VGLL3: variants seen among roughly 807,000 people sequenced by gnomAD.
VGLL3 encodes the protein vestigial like family member 3, also known as transcription cofactor vestigial-like protein 3.
Under a neutral mutation model 29.2 loss-of-function variants are expected in VGLL3, and 18 were observed. The ratio of observed to expected loss-of-function variants is 0.62; its 90% CI spans 0.43 to 0.91. The LOEUF (loss-of-function observed/expected upper bound fraction) is 0.91. VGLL3 is among the 40% of genes least tolerant of loss of function. VGLL3 has a pLI of 0.00. For synonymous variants in VGLL3, 180 were observed against 151.8 expected, an observed-to-expected ratio of 1.19 and a Z score of -1.36; for missense variants, 440 against 413.2, an observed-to-expected ratio of 1.06 and a Z score of -0.56.
rs559777486 is a variant in VGLL3, at chr3:86,978,706, T to TCTC, written c.220_222dup (p.Glu74dup). ...TACTCCATCTCGGCAGGCTGGTCTT[T>TCTC]CTCCTCCTCCTCCTCCTCCTCATCC... On this transcript the variant is annotated inframe_insertion, in exon 2 of 4. Transcript: ENST00000398399. The TCTC allele has an allele frequency of 8.5e-4, 1,374 of 1,612,196 alleles. 3 individuals are homozygous for TCTC. In the South Asian group the frequency reaches 0.01, roughly 12 times the overall value.
chr3:86,990,783 G>A lies in VGLL3; in HGVS notation c.-40C>T. 1 of 1,269,044 alleles carries A rather than the reference G, an allele frequency of 7.9e-7. No homozygotes were observed. Among genetic ancestry groups the A allele is most frequent in the Non-Finnish European group, 1.0e-6 (1 of 1,003,106 alleles). The allele number at this position is 1,269,044 out of a possible 1,614,324, so 78.6% of individuals were successfully genotyped here. On this transcript the variant is annotated 5_prime_UTR_variant, in exon 1 of 4. Coordinates refer to ENST00000398399, the MANE Select transcript of VGLL3 (RefSeq NM_016206.4). ...TGGCGGCCCCCGAGCTGCCGCCGCC[G>A]CTCTACGCGCTGGCGCGAGGGGCGC...
chr3:86,971,928 G>A (rs1014757378), intron 2 of VGLL3, among the ~76,000 whole-genome samples: 1 of 151,994 alleles, frequency 6.6e-6, no homozygotes, highest in African/African-American at 2.4e-5. Flanking sequence ...TCCATCTCCC[G>A]AGGGGCTAGA....
intron 1 of VGLL3, among the ~76,000 whole-genome samples, chr3:86,980,720 G>C (rs996175090): frequency 6.6e-5 from 10 of 151,788 alleles, no homozygotes; most frequent in Admixed American, 2.0e-4. Flanking sequence ...TGATTTATTA[G>C]TCAAATCACA....
chr3:86,951,128 A>G (rs1704609396), intron 3 of VGLL3, among the ~76,000 whole-genome samples: 2 of 152,158 alleles, frequency 1.3e-5, no homozygotes, highest in South Asian at 4.1e-4. Flanking sequence ...CAGAAAAACA[A>G]CAGCAACAAA....
At chr3:86,962,392 A>T (rs1367069059) in intron 3 of VGLL3, 37 of 985,284 alleles carry the variant, frequency 3.8e-5, no homozygotes, top group Non-Finnish European at 3.9e-5. Flanking sequence ...GATCCTTTTA[A>T]ATTTTGTGCC....
intron 3 of VGLL3, among the ~76,000 whole-genome samples, chr3:86,948,325 A>T (rs939958226): frequency 6.6e-6 from 1 of 152,188 alleles, no homozygotes; most frequent in South Asian, 2.1e-4. Flanking sequence ...GGATGTCAGA[A>T]ATTTAATAGC....
intron 3 of VGLL3, among the ~76,000 whole-genome samples, chr3:86,947,936 A>G (rs1704539024): frequency 6.6e-6 from 1 of 152,072 alleles, no homozygotes; most frequent in Non-Finnish European, 1.5e-5. Flanking sequence ...ACGTACTCGA[A>G]GTTACTTTTA....
intron 1 of VGLL3, among the ~76,000 whole-genome samples, chr3:86,984,368 A>C (rs1705390846): frequency 1.3e-5 from 2 of 152,322 alleles, no homozygotes; most frequent in South Asian, 4.1e-4. Flanking sequence ...AGGATGAGTT[A>C]CTTTTGAGTG....
chr3:86,968,513 T>TA, intron 3 of VGLL3, 77 bp downstream of exon 3: 1 of 1,475,294 alleles, frequency 6.8e-7, no homozygotes, highest in Non-Finnish European at 9.1e-7. Flanking sequence ...TAAGAAAAAA[T>TA]AATTTCAAAA....
In VGLL3 at chr3:86,963,711, A is replaced by T. The variant is rs375303611; in HGVS notation, c.937+4879T>A. On this transcript the variant is annotated intron_variant, in intron 3 of 3. Coordinates refer to ENST00000398399, the MANE Select transcript of VGLL3 (RefSeq NM_016206.4). ...ATATTTGTAAATGCTTTACTGCATGAACTAATTTAATCTCAAAACAATCCT... is the reference window on the plus strand; with the variant it reads ...ATATTTGTAAATGCTTTACTGCATGTACTAATTTAATCTCAAAACAATCCT... 4.6e-5 allele frequency among the ~76,000 whole-genome samples: 7 copies of T among 152,332 alleles called. No homozygotes were observed. The East Asian group carries it at 1.2e-3, about 25-fold the overall frequency.
At chr3:86,962,756 A>T (rs573596247) in intron 3 of VGLL3, 1 of 528,894 alleles carries the variant, frequency 1.9e-6, no homozygotes, top group African/African-American at 2.1e-5. Flanking sequence ...AGTGGCTCAC[A>T]CCTGTAATCC....
intron 3 of VGLL3, among the ~76,000 whole-genome samples, chr3:86,951,512 T>C (rs1359079124): frequency 6.6e-6 from 1 of 152,118 alleles, no homozygotes; most frequent in East Asian, 1.9e-4. Flanking sequence ...ACATATGAAT[T>C]TGGGAGAGAT....
At chr3:86,977,678 C>A (rs1705238726) in intron 2 of VGLL3, among the ~76,000 whole-genome samples, 1 of 152,198 alleles carries the variant, frequency 6.6e-6, no homozygotes, top group African/African-American at 2.4e-5. Context: ...CAAGAATTCG[C>A]ACTTCTAACA....
chr3:86,979,831 G>A (rs778177302), intron 1 of VGLL3, among the ~76,000 whole-genome samples: 13 of 151,998 alleles, frequency 8.6e-5, no homozygotes, highest in East Asian at 3.9e-4. Context: ...ATAGATATGC[G>A]TGTGCATACA....
chr3:86,947,149 G>T (rs183880705), intron 3 of VGLL3, 82 bp from the exon 4 acceptor site: 8 of 761,714 alleles, frequency 1.1e-5, no homozygotes, highest in Non-Finnish European at 2.0e-5. Context: ...CAATACATTG[G>T]ATATAGAAAC....
At chr3:86,950,902 A>C (rs1704604002) in intron 3 of VGLL3, among the ~76,000 whole-genome samples, 1 of 152,220 alleles carries the variant, frequency 6.6e-6, no homozygotes, top group Non-Finnish European at 1.5e-5. Context: ...ACGAAGAAAC[A>C]AAGATTTCAA....
chr3:86,958,223 C>A (rs748702797), intron 3 of VGLL3, among the ~76,000 whole-genome samples: 1 of 152,004 alleles, frequency 6.6e-6, no homozygotes, highest in Non-Finnish European at 1.5e-5. Flanking sequence ...ATATCATATG[C>A]TGCTGCTTCT....
intron 3 of VGLL3, among the ~76,000 whole-genome samples, chr3:86,964,802 G>A (rs1704924194): frequency 6.6e-6 from 1 of 152,146 alleles, no homozygotes; most frequent in Admixed American, 6.5e-5. Context: ...AAGCTACACA[G>A]TGTATGGTAT....
rs1470844273 is a variant in VGLL3 at position 86,965,976 on chromosome 3, C to A, written c.937+2614G>T. 4.6e-5 allele frequency among the ~76,000 whole-genome samples: 7 copies of A among 152,242 alleles called. No homozygotes were observed. The East Asian group carries it at 9.7e-4, about 21-fold the overall frequency. Reference sequence around the variant, plus strand: ...TTCCTAGAAAAATTGACGTACAACACCCCTCTCTAACTCCTCCCAAAGATA... The same window carrying A: ...TTCCTAGAAAAATTGACGTACAACAACCCTCTCTAACTCCTCCCAAAGATA... On this transcript the variant is annotated intron_variant, in intron 3 of 3. Transcript: ENST00000398399.
Sources: gnomAD v4.1 joint callset for allele counts (sites outside exome capture counted in the v4.1 genomes callset) on GRCh38, gnomAD v4.1.1 for gene constraint, MANE v1.5 for transcripts, NCBI Gene and HGNC (gene_info 2026-07-23, HGNC 2026-07-21) for gene names.